Variants in EXT1 observed in about 807,000 individuals in gnomAD.
The protein encoded by EXT1 is exostosin glycosyltransferase 1.
EXT1 carries 20 observed loss-of-function variants against 82.5 expected under a neutral mutation model. That is an observed-to-expected ratio of 0.24 (90% confidence interval 0.17 to 0.35). EXT1 has a LOEUF of 0.35. Ranked by LOEUF, EXT1 falls within the 10% of genes least tolerant of loss-of-function variation. The probability of loss-of-function intolerance (pLI) is 1.00; values close to 1 mark genes in which losing one functional copy is unlikely to be tolerated. For synonymous variants in EXT1, 348 were observed against 350.8 expected (o/e 0.99, Z 0.09); for missense variants, 757 against 936.5 (o/e 0.81, Z 2.50).
chr8:117,939,579 A>G (rs1814234502), intron 1 of EXT1, among the ~76,000 whole-genome samples: 1 of 151,236 alleles, frequency 6.6e-6, no homozygotes, highest in Non-Finnish European at 1.5e-5. Context: ...CTGAAAAAAA[A>G]AAAAAAAGAA....
chr8:117,994,402 A>G (rs909709571), intron 1 of EXT1, among the ~76,000 whole-genome samples: 1 of 152,196 alleles, frequency 6.6e-6, no homozygotes, highest in African/African-American at 2.4e-5. Flanking sequence ...ACTTGAGTCT[A>G]GGAGTTTGAG....
chr8:117,841,398 G>C (rs746625151), intron 1 of EXT1, among the ~76,000 whole-genome samples: 2 of 152,108 alleles, frequency 1.3e-5, no homozygotes, highest in Non-Finnish European at 2.9e-5. Flanking sequence ...GCCATTGGTT[G>C]GGGGGAGGAG....
intron 1 of EXT1, among the ~76,000 whole-genome samples, chr8:117,984,060 A>G (rs4876784): frequency 0.75 from 114,343 of 152,168 alleles, 44,387 homozygotes; most frequent in African/African-American, 0.94. Flanking sequence ...GAACTATCCT[A>G]CTTTCAGGAA....
Position 118,110,880 on chromosome 8 carries a change from G to T in EXT1, c.167C>A (p.Pro56His). ...GGGGCGCAGAGCGTCCGGGAAGCGG[G>T]GCCAGAAATGATCCGGACTGGGGTG... Reference protein sequence around the residue: ...LHHPSPDHFWPRFPDALRPFV... With the variant: ...LHHPSPDHFWHRFPDALRPFV... The change falls in exon 1 of 11, where the codon CCC becomes CAC. Residue 56 changes from proline to histidine, a missense_variant. Pro to His is a moderately conservative substitution (Grantham distance 77). Transcript: ENST00000378204. 1 of 1,613,628 alleles carries T rather than the reference G, an allele frequency of 6.2e-7. No homozygotes were observed. The highest frequency in any genetic ancestry group is 8.5e-7 in the Non-Finnish European group (1 of 1,179,612).
chr8:117,914,509 G>A (rs1485147501), intron 1 of EXT1, among the ~76,000 whole-genome samples: 1 of 152,212 alleles, frequency 6.6e-6, no homozygotes, highest in Non-Finnish European at 1.5e-5. Flanking sequence ...TCTCTTTGCA[G>A]AGAGCCTATA....
At chr8:117,875,699 T>A (rs1011807677) in intron 1 of EXT1, among the ~76,000 whole-genome samples, 6 of 152,026 alleles carry the variant, frequency 3.9e-5, no homozygotes, top group Non-Finnish European at 5.9e-5. Context: ...CGTTGCCAAG[T>A]ACCATCTTTG....
intron 1 of EXT1, among the ~76,000 whole-genome samples, chr8:117,953,086 C>T (rs746479906): frequency 1.1e-4 from 17 of 152,114 alleles, no homozygotes; most frequent in Non-Finnish European, 2.2e-4. Flanking sequence ...GTCCAAATAA[C>T]GATTCCCTCT....
chr8:117,969,959 T>C (rs1290449042), intron 1 of EXT1, among the ~76,000 whole-genome samples: 4 of 152,202 alleles, frequency 2.6e-5, no homozygotes, highest in African/African-American at 9.7e-5. Flanking sequence ...CAGCCAGCTA[T>C]GGACCGGAGG....
At chr8:117,972,455 T>A (rs919614280) in intron 1 of EXT1, among the ~76,000 whole-genome samples, 5 of 152,000 alleles carry the variant, frequency 3.3e-5, no homozygotes, top group Non-Finnish European at 1.5e-5. Flanking sequence ...AAACCACTCT[T>A]GCTCAAATGG....
chr8:117,901,495 T>C (rs1813447812), intron 1 of EXT1, among the ~76,000 whole-genome samples: 2 of 152,180 alleles, frequency 1.3e-5, no homozygotes, highest in African/African-American at 4.8e-5. Flanking sequence ...GGCATGACTG[T>C]ACACTGTTAT....
At chr8:117,884,822 A>G (rs931278955) in intron 1 of EXT1, among the ~76,000 whole-genome samples, 6 of 152,206 alleles carry the variant, frequency 3.9e-5, no homozygotes, top group Non-Finnish European at 7.3e-5. Flanking sequence ...TGAAAAAGGA[A>G]CTTGCCATCA....
rs757740272 is a variant in EXT1 at position 118,110,397 on chromosome 8, G to A, written c.650C>T (p.Ala217Val). ...VGFDIGQAMLAKASISTENFR... is the reference protein window; with the variant it reads ...VGFDIGQAMLVKASISTENFR... Reference sequence around the variant, plus strand: ...GTTTTCAGTACTGATGCTGGCTTTGGCCAGCATCGCCTGGCCGATGTCAAA... The same window carrying A: ...GTTTTCAGTACTGATGCTGGCTTTGACCAGCATCGCCTGGCCGATGTCAAA... Residue 217 changes from alanine to valine, a missense_variant, in exon 1 of 11, where the codon GCC becomes GTC. Ala to Val is a moderately conservative substitution (Grantham distance 64). Coordinates refer to ENST00000378204, the MANE Select transcript of EXT1 (RefSeq NM_000127.3). The A allele has an allele frequency of 9.3e-6, 15 of 1,613,998 alleles. No homozygotes were observed. The highest frequency in any genetic ancestry group is 1.2e-5 in the Non-Finnish European group (14 of 1,179,948).
chr8:118,017,104 A>G (rs1586345259), intron 1 of EXT1, among the ~76,000 whole-genome samples: 1 of 152,218 alleles, frequency 6.6e-6, no homozygotes, highest in Non-Finnish European at 1.5e-5. Context: ...ATTTATAAAG[A>G]TAAGATGTCC....
At chr8:118,012,879 C>T (rs1168039128) in intron 1 of EXT1, among the ~76,000 whole-genome samples, 1 of 152,170 alleles carries the variant, frequency 6.6e-6, no homozygotes, top group African/African-American at 2.4e-5. Context: ...AAATAAAAGC[C>T]TTTTCCTAAA....
At chr8:117,935,066 C>A (rs1383215061) in intron 1 of EXT1, among the ~76,000 whole-genome samples, 2 of 152,124 alleles carry the variant, frequency 1.3e-5, no homozygotes, top group Non-Finnish European at 2.9e-5. Flanking sequence ...ACTAAACTCT[C>A]TTGGCCTCAA....
At chr8:118,080,581 C>A (rs1817298386) in intron 1 of EXT1, among the ~76,000 whole-genome samples, 2 of 152,132 alleles carry the variant, frequency 1.3e-5, no homozygotes, top group Admixed American at 1.3e-4. Context: ...AAATGGTATT[C>A]TGCAGGCGTT....
chr8:117,984,689 G>A (rs953835173), intron 1 of EXT1, among the ~76,000 whole-genome samples: 3 of 152,046 alleles, frequency 2.0e-5, no homozygotes, highest in East Asian at 1.9e-4. Flanking sequence ...ACAGGAAGCC[G>A]AGTGCCATGA....
intron 5 of EXT1, among the ~76,000 whole-genome samples, chr8:117,820,525 C>T (rs1811905650): frequency 1.3e-5 from 2 of 151,856 alleles, no homozygotes; most frequent in Admixed American, 1.3e-4. Context: ...TCCGTCACTA[C>T]TAAAAATACA....
intron 1 of EXT1, among the ~76,000 whole-genome samples, chr8:117,837,863 A>G (rs1812212956): frequency 2.0e-5 from 3 of 152,094 alleles, no homozygotes; most frequent in Non-Finnish European, 2.9e-5. Flanking sequence ...AAAAGAAAAA[A>G]AAAAAACCTG....
Sources: allele counts gnomAD v4.1 joint callset (sites outside exome capture counted in the v4.1 genomes callset), GRCh38; gene constraint gnomAD v4.1.1; transcripts MANE v1.5; gene names NCBI Gene and HGNC (gene_info 2026-07-23, HGNC 2026-07-21).